Variants in TAF1B observed in about 807,000 individuals in gnomAD.
TAF1B encodes the protein TATA box-binding protein-associated factor RNA polymerase I subunit B.
Under a neutral mutation model 83.9 loss-of-function variants are expected in TAF1B, and 61 were observed. The ratio of observed to expected loss-of-function variants is 0.73; its 90% CI spans 0.59 to 0.90. TAF1B has a LOEUF of 0.90. TAF1B is among the 40% of genes least tolerant of loss of function. The pLI is 0.00. For synonymous variants in TAF1B, 221 were observed against 224.6 expected (o/e 0.98, Z 0.14); for missense variants, 625 against 677.0 (o/e 0.92, Z 0.85).
chr2:9,843,749 G>T, intron 1 of TAF1B, 190 bp downstream of exon 1: 1 of 570,820 alleles, frequency 1.8e-6, no homozygotes, highest in Non-Finnish European at 2.9e-6. Context: ...CTTTGGTAAA[G>T]AGGCTGGAGT....
At chr2:9,923,300 A>C (rs1558269997) in intron 14 of TAF1B, among the ~76,000 whole-genome samples, 1 of 152,080 alleles carries the variant, frequency 6.6e-6, no homozygotes, top group African/African-American at 2.4e-5. Flanking sequence ...TGAACTGTAG[A>C]AAATACAGTG....
chr2:9,844,603 T>G (rs1444533179), intron 1 of TAF1B: 2 of 152,270 alleles, frequency 1.3e-5, no homozygotes, highest in Admixed American at 1.3e-4. Context: ...GCTTAAAAAA[T>G]GTTTACTGAT....
At chr2:9,921,015 G>T (rs1182009819) in intron 14 of TAF1B, among the ~76,000 whole-genome samples, 2 of 152,096 alleles carry the variant, frequency 1.3e-5, no homozygotes, top group African/African-American at 2.4e-5. Context: ...TTAGTAATAG[G>T]CTGCCTTCTT....
At chr2:9,868,524 C>T (rs2125146462) in intron 6 of TAF1B, 95 bp downstream of exon 6, 2 of 1,490,126 alleles carry the variant, frequency 1.3e-6, no homozygotes, top group East Asian at 2.4e-5. Context: ...GGAAAGGGAA[C>T]TTGGTCTAGC....
intron 7 of TAF1B, among the ~76,000 whole-genome samples, chr2:9,880,531 G>A (rs370424224): frequency 1.4e-5 from 2 of 142,092 alleles, no homozygotes; most frequent in Non-Finnish European, 3.0e-5. Context: ...TCCAGATGCC[G>A]AAGACCTGCT....
chr2:9,876,159 CT>C lies in TAF1B; in HGVS notation c.707+142del, dbSNP rs1164094607. 5.1e-6 allele frequency: 4 copies of C among 785,386 alleles called. No individual in the cohort carries two copies. In the African/African-American group the frequency reaches 6.9e-5, roughly 14 times the overall value. 48.7% of individuals were successfully genotyped at this position (785,386 alleles called of 1,614,324 possible). On this transcript the variant is annotated intron_variant, in intron 7 of 14. Transcript: ENST00000263663. ...AGGTTGAGTAGCCTGAATTCTAATT[CT>C]GAAATGTAATCCCCCCTGGGCTAGT...
chr2:9,930,470 C>T (rs1000895570), intron 14 of TAF1B, among the ~76,000 whole-genome samples: 8 of 152,118 alleles, frequency 5.3e-5, no homozygotes, highest in East Asian at 3.8e-4. Flanking sequence ...AGTAGTTGTG[C>T]GGTTTTGAGT....
chr2:9,845,504 A>G (rs924534930), intron 2 of TAF1B, 186 bp downstream of exon 2: 1 of 488,880 alleles, frequency 2.0e-6, no homozygotes, highest in Admixed American at 3.4e-5. Context: ...TAGATTGAGG[A>G]TGAGTTTTTG....
Position 9,854,449 on chromosome 2 carries a change from T to TA in TAF1B, c.399+34dup, listed in dbSNP as rs761639385. 2.0e-6 allele frequency: 3 copies of TA among 1,536,212 alleles called. No homozygotes were observed. The African/African-American group carries it at 4.1e-5, about 21-fold the overall frequency. On this transcript the variant is annotated intron_variant, in intron 5 of 14. Coordinates refer to ENST00000263663, the MANE Select transcript of TAF1B (RefSeq NM_005680.3). Reference sequence around the variant, plus strand: ...AAGTCACAAGTCTGAAAAGTTGGATTAAAAAACATGTCTGTTGAGATGTAG... The same window carrying TA: ...AAGTCACAAGTCTGAAAAGTTGGATTAAAAAAACATGTCTGTTGAGATGTAG...
In TAF1B at chr2:9,868,329, A is replaced by G. The variant is rs778596577; in HGVS notation, c.453A>G (p.Leu151=). 2 of 1,614,236 alleles carry G rather than the reference A, an allele frequency of 1.2e-6. No homozygotes were observed. The highest frequency in any genetic ancestry group is 2.7e-5 in the African/African-American group (2 of 75,054). The part of the protein sequence containing the change: ...HSDWASEPEL[L]SDVSCPPFLE... ...ACTGGGCTAGTGAGCCTGAGCTGCT[A>G]AGTGATGTCAGCTGTCCTCCTTTTC... Residue 151 remains leucine (L), a synonymous_variant, in exon 6 of 15, where the codon CTA becomes CTG. Coordinates refer to ENST00000263663, the MANE Select transcript of TAF1B (RefSeq NM_005680.3).
At chr2:9,880,945 T>A (rs776663060) in intron 7 of TAF1B, among the ~76,000 whole-genome samples, 1 of 152,208 alleles carries the variant, frequency 6.6e-6, no homozygotes, top group Non-Finnish European at 1.5e-5. Flanking sequence ...CGAAATATAC[T>A]AATAAAAACT....
At chr2:9,906,939 G>A (rs1007759768) in intron 9 of TAF1B, among the ~76,000 whole-genome samples, 15 of 152,228 alleles carry the variant, frequency 9.9e-5, no homozygotes, top group Admixed American at 5.2e-4. Flanking sequence ...GTGCAGTGGC[G>A]TGATTGTAGC....
chr2:9,909,227 A>T (rs568095357), intron 9 of TAF1B, among the ~76,000 whole-genome samples: 30 of 152,368 alleles, frequency 2.0e-4, no homozygotes, highest in South Asian at 4.1e-4. Flanking sequence ...ATAAAACAAG[A>T]TTGAGTCACC....
At position 9,919,426 on chromosome 2, in the gene TAF1B, C is replaced by T. The variant is rs528380645; in HGVS notation, c.1343-172C>T. 7.2e-5 allele frequency among the ~76,000 whole-genome samples: 11 copies of T among 152,282 alleles called. No homozygotes were observed. The South Asian group carries it at 2.1e-3, about 29-fold the overall frequency. ...ATTCTTTTTGAAGTAAGGTTTCCCC[C>T]ATGCACCTCATCCAGTTTCATTTTC... On this transcript the variant is annotated intron_variant, in intron 13 of 14. Coordinates refer to ENST00000263663, the MANE Select transcript of TAF1B (RefSeq NM_005680.3).
intron 10 of TAF1B, 93 bp downstream of exon 10, chr2:9,911,006 AAAAG>A: frequency 2.5e-6 from 3 of 1,219,146 alleles, no homozygotes; most frequent in Non-Finnish European, 3.4e-6. Flanking sequence ...ACACTTTAAA[AAAAG>A]AGCTAAAGAA....
chr2:9,905,032 G>A lies in TAF1B; in HGVS notation c.955+26G>A, dbSNP rs957443910. 4 of 1,591,852 alleles carry A rather than the reference G, an allele frequency of 2.5e-6. No individual in the cohort carries two copies. The Admixed American group carries it at 5.1e-5, about 20-fold the overall frequency. ...GTAAGTGTGTGACATATATTGTGGG[G>A]ACACTTTAACTAGTAGAGTAATAAT... is the stretch of plus-strand genomic sequence containing the variant. On this transcript the variant is annotated intron_variant, in intron 9 of 14. Coordinates refer to ENST00000263663, the MANE Select transcript of TAF1B (RefSeq NM_005680.3).
intron 14 of TAF1B, among the ~76,000 whole-genome samples, chr2:9,930,414 C>A (rs62127471): frequency 0.22 from 34,122 of 151,974 alleles, 4,757 homozygotes; most frequent in East Asian, 0.31. Context: ...ATCTTTATTT[C>A]GTTATTTACC....
At chr2:9,878,924 A>G (rs1431949993) in intron 7 of TAF1B, among the ~76,000 whole-genome samples, 2 of 152,238 alleles carry the variant, frequency 1.3e-5, no homozygotes, top group Admixed American at 1.3e-4. Context: ...ATGGTATGAT[A>G]GAAAATGACT....
chr2:9,844,043 T>G (rs1663115951), intron 1 of TAF1B, among the ~76,000 whole-genome samples: 1 of 152,186 alleles, frequency 6.6e-6, no homozygotes, highest in African/African-American at 2.4e-5. Context: ...ATTGTCCAGC[T>G]ATCATTCATC....
Sources: allele counts gnomAD v4.1 joint callset (sites outside exome capture counted in the v4.1 genomes callset), GRCh38; gene constraint gnomAD v4.1.1; transcripts MANE v1.5; gene names NCBI Gene and HGNC (gene_info 2026-07-23, HGNC 2026-07-21).